ZNF568: variants seen among roughly 807,000 people sequenced by gnomAD.
The protein encoded by ZNF568 is p53 inhibitor of SCO2 activation.
Under a neutral mutation model 18.1 loss-of-function variants are expected in ZNF568, and 11 were observed. The observed-to-expected ratio is 0.61, with a 90% CI of 0.38 to 1.00. The LOEUF (loss-of-function observed/expected upper bound fraction) is 1.00. Among genes scored for constraint, ZNF568 ranks in the 50% least tolerant of loss-of-function variants. ZNF568 has a pLI of 0.01. For missense variants in ZNF568, 639 were observed against 768.2 expected, an observed-to-expected ratio of 0.83 and a Z score of 1.99; for synonymous variants, 213 against 246.6, an observed-to-expected ratio of 0.86 and a Z score of 1.28.
At chr19:36,936,245 G>T (rs961732790) in intron 4 of ZNF568, among the ~76,000 whole-genome samples, 9 of 151,976 alleles carry the variant, frequency 5.9e-5, no homozygotes, top group African/African-American at 2.2e-4. Context: ...CCCTTGTTTT[G>T]TACTATTATT....
rs1338813169 is a variant in ZNF568 at position 36,950,704 on chromosome 19, C to T, written c.1551C>T (p.Leu517=). 1 of 1,613,704 alleles carries T rather than the reference C, an allele frequency of 6.2e-7. No homozygotes were observed. Among genetic ancestry groups the T allele is most frequent in the East Asian group, 2.2e-5 (1 of 44,838 alleles). ...AAGCCTTTAGTCAGAAATCAAACCT[C>T]ACTGAACATGAGAAAATTCATACTG... ...CGKAFSQKSN[L]TEHEKIHTGE... The change falls in exon 7 of 7, where the codon CTC becomes CTT. Residue 517 remains leucine, a synonymous_variant. Coordinates refer to ENST00000333987, the MANE Select transcript of ZNF568 (RefSeq NM_198539.4).
chr19:36,952,151 A>T lies in ZNF568; in HGVS notation c.*1063A>T, dbSNP rs1042254001. ...TAAGAAATATATATATAATATATGT[A>T]TGTATGTATAGCCAGATGCAGTGGC... On this transcript the variant is annotated 3_prime_UTR_variant, in exon 7 of 7. Coordinates refer to ENST00000333987, the MANE Select transcript of ZNF568 (RefSeq NM_198539.4). 107 of 549,082 alleles carry T rather than the reference A, an allele frequency of 1.9e-4. No homozygotes were observed. The highest frequency in any genetic ancestry group is 2.4e-4 in the Non-Finnish European group (106 of 434,084). 34.0% of individuals were successfully genotyped at this position (549,082 alleles called of 1,614,324 possible).
intron 4 of ZNF568, among the ~76,000 whole-genome samples, chr19:36,925,696 G>A (rs947290522): frequency 6.6e-6 from 1 of 151,878 alleles, no homozygotes; most frequent in African/African-American, 2.4e-5. Flanking sequence ...AAAAATGGGT[G>A]GTTGTATCTG....
At position 36,994,821 on chromosome 19, in the gene ZNF568, G is replaced by A. The variant is rs1167023860; in HGVS notation, c.230-1496G>A. Among the ~76,000 whole-genome samples, 3 of 151,954 alleles carry A rather than the reference G, an allele frequency of 2.0e-5. No homozygotes were observed. The East Asian group carries it at 5.8e-4, about 29-fold the overall frequency. On this transcript the variant is annotated intron_variant, in intron 4 of 4. Transcript: ENST00000433993. Reference sequence around the variant, plus strand: ...CGAGTAGCTAGGATTACAGGTGCCCGCCACCACACCCAGCTAATTTTTGTT... The same window carrying A: ...CGAGTAGCTAGGATTACAGGTGCCCACCACCACACCCAGCTAATTTTTGTT...
chr19:36,984,546 T>C (rs146971017), downstream of ZNF568, among the ~76,000 whole-genome samples: 27 of 152,306 alleles, frequency 1.8e-4, no homozygotes, highest in East Asian at 5.2e-3. Flanking sequence ...TTTTATTTTA[T>C]GTATTGAGTG....
intron 4 of ZNF568, among the ~76,000 whole-genome samples, chr19:36,934,821 A>G (rs1392192390): frequency 6.6e-6 from 1 of 152,014 alleles, no homozygotes; most frequent in Non-Finnish European, 1.5e-5. Flanking sequence ...ATTTCAGAAT[A>G]TTGTTTAATT....
intron 4 of ZNF568, among the ~76,000 whole-genome samples, chr19:36,935,735 T>G (rs1419473655): frequency 1.3e-5 from 2 of 152,204 alleles, no homozygotes; most frequent in African/African-American, 4.8e-5. Context: ...TGTCCTTTAG[T>G]AACAGTTTTG....
chr19:36,961,461 TA>T (rs568299001), intron 6 of ZNF568, among the ~76,000 whole-genome samples: 17 of 150,350 alleles, frequency 1.1e-4, no homozygotes, highest in Admixed American at 4.7e-4. Context: ...GGGATCTTTT[TA>T]AAAAAAAAAT....
exon 7 of ZNF568, chr19:36,974,466 G>A (rs1190026819): frequency 6.5e-7 from 1 of 1,536,010 alleles, no homozygotes; most frequent in Admixed American, 2.0e-5. Flanking sequence ...TGATGGCGGA[G>A]GTAAGTTGCA....
intron 4 of ZNF568, among the ~76,000 whole-genome samples, chr19:36,930,943 A>G (rs888035579): frequency 2.0e-5 from 3 of 152,170 alleles, no homozygotes; most frequent in African/African-American, 7.2e-5. Flanking sequence ...ATTTTTTTTC[A>G]GTCAGAAATG....
chr19:36,977,622 C>A (rs2074296637), intron 7 of ZNF568, among the ~76,000 whole-genome samples: 1 of 152,156 alleles, frequency 6.6e-6, no homozygotes, highest in African/African-American at 2.4e-5. Flanking sequence ...GAGGCCAAAA[C>A]CTTCCTAAGA....
chr19:36,954,098 C>T (rs1339636066), downstream of ZNF568, among the ~76,000 whole-genome samples: 1 of 151,766 alleles, frequency 6.6e-6, no homozygotes, highest in Non-Finnish European at 1.5e-5. Flanking sequence ...GTGGTGCATG[C>T]CTGTAATCCT....
In ZNF568 at chr19:36,937,153, A is replaced by G. The variant is rs367835539; in HGVS notation, c.269A>G (p.Gln90Arg). ...TTGCTATTTCTTGTAATAGGCTGTC[A>G]AGTCACCAAACCGGATGTGATATTC... is the stretch of plus-strand genomic sequence containing the variant. ...NYSNLVTVGC[Q>R]VTKPDVIFKL... The change falls in exon 6 of 7, where the codon CAA (glutamine) becomes CGA (arginine). Residue 90 changes from glutamine (Q) to arginine (R), a missense_variant. By Grantham distance (43) the Gln-to-Arg change is conservative (BLOSUM62 1). Coordinates refer to ENST00000333987, the MANE Select transcript of ZNF568 (RefSeq NM_198539.4). The G allele has an allele frequency of 1.2e-6, 2 of 1,613,816 alleles. No homozygotes were observed. Among genetic ancestry groups the G allele is most frequent in the Non-Finnish European group, 1.7e-6 (2 of 1,179,814 alleles).
chr19:36,962,936 G>A (rs1053379874), intron 6 of ZNF568, among the ~76,000 whole-genome samples: 1 of 151,984 alleles, frequency 6.6e-6, no homozygotes, highest in Non-Finnish European at 1.5e-5. Context: ...TTGAAACAAT[G>A]TGAATATAAT....
At chr19:36,964,777 C>T (rs1214747277) in intron 6 of ZNF568, among the ~76,000 whole-genome samples, 2 of 152,130 alleles carry the variant, frequency 1.3e-5, no homozygotes, top group Admixed American at 6.6e-5. Context: ...ATCACCACTC[C>T]AGCCTTGGCA....
At chr19:36,997,153 T>G (rs10405238) in exon 5 of ZNF568, 261,678 of 1,586,450 alleles carry the variant, frequency 0.16, 22,265 homozygotes, top group South Asian at 0.24. Flanking sequence ...TGGAAAGGTG[T>G]ACAGTTGTGC....
At chr19:36,979,020 G>A (rs897128509) in exon 8 of ZNF568, 1 of 162,270 alleles carries the variant, frequency 6.2e-6, no homozygotes, top group African/African-American at 4.6e-5. Context: ...TTTTGCCCTT[G>A]TTGCCCAGGC....
intron 2 of ZNF568, 136 bp downstream of exon 2, chr19:36,917,784 C>G (rs921183779): frequency 6.6e-6 from 1 of 152,164 alleles, no homozygotes; most frequent in Non-Finnish European, 1.5e-5. Flanking sequence ...CACCTTATCC[C>G]TTTTTCTCCC....
At chr19:36,991,940 G>C (rs757855871) in intron 4 of ZNF568, 118 of 1,029,608 alleles carry the variant, frequency 1.1e-4, no homozygotes, top group Middle Eastern at 2.6e-4. Flanking sequence ...TGGTAGGAAA[G>C]CTGCCTAAAA....
Sources: gnomAD v4.1 joint callset for allele counts (sites outside exome capture counted in the v4.1 genomes callset) on GRCh38, gnomAD v4.1.1 for gene constraint, MANE v1.5 for transcripts, NCBI Gene and HGNC (gene_info 2026-07-23, HGNC 2026-07-21) for gene names.